The following LRRC37A2 variants were observed in gnomAD, a reference collection of about 807,000 sequenced individuals.
The protein encoded by LRRC37A2 is leucine rich repeat containing 37 member A2.
LRRC37A2 carries 9 observed loss-of-function variants against 68.8 expected under a neutral mutation model. The observed-to-expected ratio is 0.13, with a 90% confidence interval of 0.08 to 0.23. The LOEUF (loss-of-function observed/expected upper bound fraction) is 0.23, where lower values mean the gene tolerates loss of function less well. Ranked by LOEUF, LRRC37A2 falls within the 10% of genes least tolerant of loss-of-function variation. The pLI is 1.00. For missense variants in LRRC37A2, 168 were observed against 950.4 expected (o/e 0.18, Z 10.82); for synonymous variants, 63 against 367.6 (o/e 0.17, Z 9.48).
At chr17:46,768,270 C>T in the LRRC37A2 span, 5 of 1,610,944 alleles carry the variant, frequency 3.1e-6, no homozygotes, top group South Asian at 2.2e-5. This position sits in a 1 kb window ranked among gnomAD's most constrained non-coding sequence, Gnocchi z 5.0. Context: ...CCATTCCCTG[C>T]GCCCAGGCTC....
chr17:46,900,168 C>CATATACAT, the LRRC37A2 span, among the ~76,000 whole-genome samples: 3 of 64,060 alleles, frequency 4.7e-5, no homozygotes, highest in South Asian at 6.0e-4. Flanking sequence ...TATACATATA[C>CATATACAT]ATATATATAT....
chr17:46,768,349 G>A, the LRRC37A2 span: 3 of 1,613,650 alleles, frequency 1.9e-6, no homozygotes, highest in African/African-American at 2.7e-5. The surrounding 1 kb of genome is among the most constrained non-coding windows in gnomAD (Gnocchi z 5.0). Flanking sequence ...TCGTAGATGC[G>A]AATACACTCC....
chr17:46,744,479 G>A, the LRRC37A2 span, among the ~76,000 whole-genome samples: 1 of 152,100 alleles, frequency 6.6e-6, no homozygotes, highest in Non-Finnish European at 1.5e-5. Context: ...TCTTACCAAG[G>A]GTGTATTACA....
At chr17:46,872,503 C>G in the LRRC37A2 span, 6 of 1,476,510 alleles carry the variant, frequency 4.1e-6, no homozygotes, top group Non-Finnish European at 5.4e-6. Flanking sequence ...TCTCCCTCCT[C>G]TCGCTCTCTC....
chr17:46,722,225 G>T, the LRRC37A2 span: 35 of 1,386,568 alleles, frequency 2.5e-5, no homozygotes, highest in Non-Finnish European at 3.4e-5. Context: ...AATCTCGCGA[G>T]AGCACGTCAA....
At chr17:46,845,457 T>A in the LRRC37A2 span, among the ~76,000 whole-genome samples, 11 of 151,702 alleles carry the variant, frequency 7.3e-5, no homozygotes, top group South Asian at 2.1e-3. Flanking sequence ...TGAGTCGACT[T>A]ACAGGGACAA....
the LRRC37A2 span, among the ~76,000 whole-genome samples, chr17:46,463,381 GACCACT>G: frequency 1.0e-5 from 1 of 100,312 alleles, no homozygotes; most frequent in African/African-American, 3.9e-5. Flanking sequence ...TCTACTTCAA[GACCACT>G]ACCTATGATA....
the LRRC37A2 span, among the ~76,000 whole-genome samples, chr17:46,789,262 G>A: frequency 1.3e-5 from 2 of 152,162 alleles, no homozygotes; most frequent in South Asian, 2.1e-4. Flanking sequence ...CACCTACCTG[G>A]ACTGTCCCAT....
the LRRC37A2 span, among the ~76,000 whole-genome samples, chr17:46,772,101 C>T: frequency 6.6e-6 from 1 of 152,090 alleles, no homozygotes; most frequent in Admixed American, 6.5e-5. Flanking sequence ...TCGCCGGGGG[C>T]GGGGTGCAAA....
chr17:47,048,149 A>C, the LRRC37A2 span, among the ~76,000 whole-genome samples: 52 of 149,830 alleles, frequency 3.5e-4, no homozygotes, highest in African/African-American at 1.2e-3. Context: ...AAACAAGATC[A>C]GAGGTGCTAA....
chr17:46,558,478 C>T (rs1453807656), downstream of LRRC37A2, among the ~76,000 whole-genome samples: 1 of 121,028 alleles, frequency 8.3e-6, no homozygotes, highest in Non-Finnish European at 1.7e-5. Flanking sequence ...CCTCTGCCTT[C>T]CAGGTTCAAG....
the LRRC37A2 span, among the ~76,000 whole-genome samples, chr17:46,742,886 C>A: frequency 1.3e-5 from 2 of 152,172 alleles, no homozygotes; most frequent in Non-Finnish European, 2.9e-5. Flanking sequence ...TTGAATAATA[C>A]AAGCTAAGAA....
At chr17:46,995,991 A>G in the LRRC37A2 span, among the ~76,000 whole-genome samples, 2 of 152,122 alleles carry the variant, frequency 1.3e-5, no homozygotes, top group Non-Finnish European at 2.9e-5. Context: ...CTCCCCACTC[A>G]GCAGGATTCT....
chr17:46,752,372 G>A, the LRRC37A2 span, among the ~76,000 whole-genome samples: 1 of 152,134 alleles, frequency 6.6e-6, no homozygotes, highest in Non-Finnish European at 1.5e-5. Flanking sequence ...AGCCCTATGA[G>A]TTCAGAGACC....
chr17:46,906,617 A>G, the LRRC37A2 span, among the ~76,000 whole-genome samples: 3 of 152,102 alleles, frequency 2.0e-5, no homozygotes, highest in African/African-American at 7.2e-5. Context: ...TAACACTCCA[A>G]TACCATGTAT....
chr17:46,386,065 T>C, the LRRC37A2 span, among the ~76,000 whole-genome samples: 1 of 124,144 alleles, frequency 8.1e-6, no homozygotes, highest in African/African-American at 2.8e-5. Flanking sequence ...GTACTCTGAC[T>C]GACCTTCCCA....
At chr17:46,863,417 A>G in the LRRC37A2 span, among the ~76,000 whole-genome samples, 8 of 152,214 alleles carry the variant, frequency 5.3e-5, no homozygotes, top group African/African-American at 1.9e-4. Flanking sequence ...ATGAAAAACC[A>G]TGGCCTCTGC....
the LRRC37A2 span, among the ~76,000 whole-genome samples, chr17:46,981,094 G>A: frequency 6.6e-6 from 1 of 152,172 alleles, no homozygotes; most frequent in African/African-American, 2.4e-5. Context: ...CTTTGTTATT[G>A]CAATAATGCA....
intron 6 of LRRC37A2, among the ~76,000 whole-genome samples, chr17:46,533,274 G>A (rs2053988541): frequency 1.1e-5 from 1 of 94,382 alleles, no homozygotes; most frequent in Non-Finnish European, 1.9e-5. Context: ...TTAGTTAGCC[G>A]AGTGTGGTGG....
Sources: gnomAD v4.1 joint callset for allele counts (sites outside exome capture counted in the v4.1 genomes callset) on GRCh38, gnomAD v4.1.1 for gene constraint, Gnocchi (gnomAD v3.1) non-coding constraint, MANE v1.5 for transcripts, NCBI Gene and HGNC (gene_info 2026-07-23, HGNC 2026-07-21) for gene names.